Variants in LRRC1 observed in about 807,000 individuals in gnomAD.
LRRC1 encodes leucine-rich repeat-containing protein 1.
Under a neutral mutation model 69.9 loss-of-function variants are expected in LRRC1, and 28 were observed. The observed-to-expected ratio is 0.40, with a 90% CI of 0.30 to 0.55. The LOEUF (loss-of-function observed/expected upper bound fraction) is 0.55. Ranked by LOEUF, LRRC1 falls within the 20% of genes least tolerant of loss-of-function variation. The pLI, the probability that LRRC1 is intolerant of heterozygous loss-of-function variation, is 0.47. For synonymous variants in LRRC1, 236 were observed against 240.2 expected (o/e 0.98, Z 0.16); for missense variants, 498 against 609.0 (o/e 0.82, Z 1.92).
chr6:53,875,132 A>G (rs1464106099), intron 2 of LRRC1, among the ~76,000 whole-genome samples: 1 of 152,172 alleles, frequency 6.6e-6, no homozygotes, highest in Non-Finnish European at 1.5e-5. Flanking sequence ...ATTTAACAAT[A>G]TTTTTCAAGC....
chr6:53,808,149 G>C (rs1001615166), intron 1 of LRRC1, among the ~76,000 whole-genome samples: 4 of 152,250 alleles, frequency 2.6e-5, no homozygotes, highest in African/African-American at 9.6e-5. Context: ...GATAGGAAGA[G>C]AAGAAGCAGG....
intron 3 of LRRC1, 110 bp downstream of exon 3, chr6:53,879,181 T>C (rs568941329): frequency 2.2e-5 from 15 of 675,234 alleles, no homozygotes; most frequent in Middle Eastern, 5.2e-4. Context: ...GATGGATCAC[T>C]GTCTTTATCA....
At chr6:53,874,782 G>T (rs1411288417) in intron 2 of LRRC1, among the ~76,000 whole-genome samples, 1 of 152,136 alleles carries the variant, frequency 6.6e-6, no homozygotes, top group Admixed American at 6.5e-5. Context: ...ATGTTAATAT[G>T]TCCAAAATAA....
intron 11 of LRRC1, among the ~76,000 whole-genome samples, chr6:53,915,560 C>A (rs965337790): frequency 2.6e-5 from 4 of 152,160 alleles, no homozygotes; most frequent in African/African-American, 9.7e-5. Flanking sequence ...CTGGTTCTTG[C>A]CACACTACTG....
chr6:53,913,897 A>G lies in LRRC1; in HGVS notation c.1034A>G (p.Asn345Ser), dbSNP rs1768489478. The change falls in exon 11 of 14, where the codon AAC becomes AGC. Residue 345 changes from asparagine to serine, a missense_variant. Around this residue, in one of 3 missense-constraint regions of LRRC1, gnomAD observed 266 missense variants for 383.9 expected, o/e 0.69. Transcript: ENST00000370888. ...CTCACTGTGTTCTGTGTACGTGACA[A>G]CAGACTAACTCGGATACCTGCAGAG... ...CSLTVFCVRD[N>S]RLTRIPAEVS... The G allele has an allele frequency of 6.2e-7, 1 of 1,612,992 alleles. No individual in the cohort carries two copies. The highest frequency in any genetic ancestry group is 8.5e-7 in the Non-Finnish European group (1 of 1,179,052).
chr6:53,888,058 A>G (rs1307965814), intron 4 of LRRC1, among the ~76,000 whole-genome samples: 2 of 152,246 alleles, frequency 1.3e-5, no homozygotes, highest in Admixed American at 6.5e-5. Context: ...TGCTTTAAGG[A>G]GTTTTGAAAT....
intron 4 of LRRC1, among the ~76,000 whole-genome samples, chr6:53,886,995 A>G (rs1767507128): frequency 6.6e-6 from 1 of 152,194 alleles, no homozygotes; most frequent in Non-Finnish European, 1.5e-5. Flanking sequence ...CATACCAAAC[A>G]AATACACGTG....
chr6:53,841,866 C>T (rs1765800309), intron 1 of LRRC1, among the ~76,000 whole-genome samples: 1 of 151,984 alleles, frequency 6.6e-6, no homozygotes, highest in African/African-American at 2.4e-5. Context: ...TTTTTAAAAA[C>T]CTTTTATTTT....
intron 2 of LRRC1, among the ~76,000 whole-genome samples, chr6:53,844,836 G>A (rs983275432): frequency 6.6e-6 from 1 of 152,150 alleles, no homozygotes; most frequent in Non-Finnish European, 1.5e-5. Flanking sequence ...GTAGCATTAT[G>A]TGTGTGGTGG....
In LRRC1 at chr6:53,842,375, A is replaced by T. The variant is rs556747304; in HGVS notation, c.277+148A>T. On this transcript the variant is annotated intron_variant, in intron 2 of 13. Coordinates refer to ENST00000370888, the MANE Select transcript of LRRC1 (RefSeq NM_018214.5). ...AGAATGATGGTTTCCAGCTTCATCC[A>T]TGTCCCAAATATAGCTAGATAAATA... 2.4e-5 allele frequency: 14 copies of T among 591,654 alleles called. No homozygotes were observed. The East Asian group carries it at 3.9e-4, about 16-fold the overall frequency. The allele number at this position is 591,654 out of a possible 1,614,324, so 36.7% of individuals were successfully genotyped here.
At chr6:53,905,908 A>G (rs1443863414) in intron 10 of LRRC1, among the ~76,000 whole-genome samples, 2 of 152,230 alleles carry the variant, frequency 1.3e-5, no homozygotes, top group Non-Finnish European at 2.9e-5. Context: ...AGATTCTACT[A>G]ATTAGAAAAG....
Position 53,839,569 on chromosome 6 carries a change from T to C in LRRC1, c.160-2541T>C, listed in dbSNP as rs369569532. Reference sequence around the variant, plus strand: ...TTGACTATTTCTGCGAATATTTGCCTCCATATTGCTAAATGACTTTTGCGG... The same window carrying C: ...TTGACTATTTCTGCGAATATTTGCCCCCATATTGCTAAATGACTTTTGCGG... On this transcript the variant is annotated intron_variant, in intron 1 of 13. Coordinates refer to ENST00000370888, the MANE Select transcript of LRRC1 (RefSeq NM_018214.5). Among the ~76,000 whole-genome samples the C allele has an allele frequency of 3.3e-4, 50 of 152,308 alleles. 1 individual carries two copies. The South Asian group carries it at 6.0e-3, about 18-fold the overall frequency.
At chr6:53,882,292 G>A (rs1341558372) in intron 3 of LRRC1, among the ~76,000 whole-genome samples, 1 of 152,216 alleles carries the variant, frequency 6.6e-6, no homozygotes, top group Non-Finnish European at 1.5e-5. Flanking sequence ...AGGTTGCGGT[G>A]AGCCGAGATT....
intron 1 of LRRC1, among the ~76,000 whole-genome samples, chr6:53,816,283 C>A (rs180883260): frequency 2.0e-5 from 3 of 152,118 alleles, no homozygotes; most frequent in African/African-American, 7.2e-5. Flanking sequence ...TGATTCTTGG[C>A]TTGGTAATTA....
chr6:53,888,797 A>G (rs571089201), intron 4 of LRRC1, among the ~76,000 whole-genome samples: 2 of 152,368 alleles, frequency 1.3e-5, no homozygotes, highest in South Asian at 4.1e-4. Flanking sequence ...ACATTGGATT[A>G]AGCAGTGGTT....
Position 53,795,234 on chromosome 6 carries a change from G to C in LRRC1, c.-23G>C, listed in dbSNP as rs1444768501. The C allele has an allele frequency of 8.2e-6, 13 of 1,585,638 alleles. No homozygotes were observed. The Admixed American group carries it at 8.6e-5, about 10-fold the overall frequency. On this transcript the variant is annotated 5_prime_UTR_variant, in exon 1 of 14. Coordinates refer to ENST00000370888, the MANE Select transcript of LRRC1 (RefSeq NM_018214.5). ...CCGGGTCTCCGCCGCTCGGGACCCG[G>C]CTAGGCGGCGGCGGGGGCGGCGATG...
chr6:53,808,512 C>T (rs968541036), intron 1 of LRRC1, among the ~76,000 whole-genome samples: 2 of 152,088 alleles, frequency 1.3e-5, no homozygotes, highest in African/African-American at 2.4e-5. Context: ...TAAGCACTTC[C>T]TGTGATTAAC....
chr6:53,839,685 A>G (rs12663216), intron 1 of LRRC1, among the ~76,000 whole-genome samples: 35,360 of 152,000 alleles, frequency 0.23, 4,316 homozygotes, highest in South Asian at 0.26. Context: ...CATTCTCTCA[A>G]TATTGACATA....
intron 4 of LRRC1, among the ~76,000 whole-genome samples, chr6:53,890,682 T>C (rs116807753): frequency 0.014 from 2,097 of 152,316 alleles, 42 homozygotes; most frequent in African/African-American, 0.048. Flanking sequence ...AAAAGTTTTC[T>C]AGAGCAAAGC....
Sources: gnomAD v4.1 joint callset for allele counts (sites outside exome capture counted in the v4.1 genomes callset) on GRCh38, gnomAD v4.1.1 for gene constraint, gnomAD v4.1.1 regional missense constraint, MANE v1.5 for transcripts, NCBI Gene and HGNC (gene_info 2026-07-23, HGNC 2026-07-21) for gene names.